The following AMZ1 variants were observed in gnomAD, a reference collection of about 807,000 sequenced individuals.
AMZ1 encodes the protein archaelysin family metallopeptidase 1, also known as archaemetzincin-1.
A neutral mutation model predicts 29.9 loss-of-function variants in AMZ1; 39 were observed. The ratio of observed to expected loss-of-function variants is 1.30; its 90% CI spans 1.01 to 1.70. The LOEUF is 1.70. AMZ1 is among the 40% of genes most tolerant of loss of function. The pLI is 0.00. For synonymous variants in AMZ1, 458 were observed against 304.0 expected (o/e 1.51, Z -5.27); for missense variants, 1,041 against 680.6 (o/e 1.53, Z -5.89).
At chr7:2,708,517 G>A (rs542512538) in intron 3 of AMZ1, 71 bp from the exon 4 acceptor site, 58 of 1,593,576 alleles carry the variant, frequency 3.6e-5, no homozygotes, top group Non-Finnish European at 4.7e-5. Context: ...ATGACGGGGT[G>A]CCAGCCTGAG....
chr7:2,747,859 T>C (rs1484510251), intron 4 of AMZ1, among the ~76,000 whole-genome samples: 1 of 152,156 alleles, frequency 6.6e-6, no homozygotes, highest in Non-Finnish European at 1.5e-5. Flanking sequence ...AGCATTCTTA[T>C]ACACCAATAA....
chr7:2,701,085 G>A (rs933102078), intron 2 of AMZ1, among the ~76,000 whole-genome samples: 4 of 152,210 alleles, frequency 2.6e-5, no homozygotes, highest in African/African-American at 9.6e-5. Flanking sequence ...TAAAGATCAC[G>A]CCGGGTGTGG....
chr7:2,749,030 T>C (rs1419971358), intron 4 of AMZ1, among the ~76,000 whole-genome samples: 2 of 152,132 alleles, frequency 1.3e-5, no homozygotes, highest in Non-Finnish European at 2.9e-5. Flanking sequence ...GGAGAGGATG[T>C]GGAGAAATAG....
At chr7:2,721,343 GC>G (rs1472592037), downstream of AMZ1, among the ~76,000 whole-genome samples, 4 of 152,198 alleles carry the variant, frequency 2.6e-5, no homozygotes, top group South Asian at 2.1e-4. Context: ...AAAGGTGCTT[GC>G]CCCACGGTGG....
chr7:2,719,537 G>C lies in AMZ1; in HGVS notation c.*6659G>C, dbSNP rs970028775. 1.3e-5 allele frequency among the ~76,000 whole-genome samples: 2 copies of C among 152,184 alleles called. No individual in the cohort carries two copies. The highest frequency in any genetic ancestry group is 1.9e-4 in the East Asian group (1 of 5,202). On this transcript the variant is annotated 3_prime_UTR_variant, in exon 7 of 7. Coordinates refer to ENST00000683327, the MANE Select transcript of AMZ1 (RefSeq NM_001384743.1). ...TGGCACAGTTATTTTTAAAAATCCAGTCCAAGTGGAAATACACCTGGAACA... is the reference window on the plus strand; with the variant it reads ...TGGCACAGTTATTTTTAAAAATCCACTCCAAGTGGAAATACACCTGGAACA...
chr7:2,694,923 T>A (rs1354925248), intron 1 of AMZ1, among the ~76,000 whole-genome samples: 1 of 152,210 alleles, frequency 6.6e-6, no homozygotes, highest in African/African-American at 2.4e-5. Context: ...TCCGCCTGCC[T>A]CGACCTCCCA....
downstream of AMZ1, among the ~76,000 whole-genome samples, chr7:2,723,514 G>A (rs1361327525): frequency 6.6e-6 from 1 of 152,238 alleles, no homozygotes; most frequent in African/African-American, 2.4e-5. Context: ...AAGATCTCCT[G>A]CATCACCCCG....
At chr7:2,729,742 CT>C (rs1254961024) in intron 4 of AMZ1, 1 of 152,380 alleles carries the variant, frequency 6.6e-6, no homozygotes, top group Non-Finnish European at 1.5e-5. Flanking sequence ...TAAGAGGACG[CT>C]TTTCATTTTC....
chr7:2,718,102 G>A lies in AMZ1; in HGVS notation c.*5224G>A, dbSNP rs1256233847. On this transcript the variant is annotated 3_prime_UTR_variant, in exon 7 of 7. Coordinates refer to ENST00000683327, the MANE Select transcript of AMZ1 (RefSeq NM_001384743.1). ...AGCTCTCGCAAGATTAACCAGAGAC[G>A]ACACCTACCAGATTCCACCACTGAG... 1.3e-5 allele frequency among the ~76,000 whole-genome samples: 2 copies of A among 152,134 alleles called. No homozygotes were observed. Among genetic ancestry groups the A allele is most frequent in the East Asian group, 1.9e-4 (1 of 5,190 alleles).
At chr7:2,762,926 C>T (rs75012075), upstream of AMZ1, 2,966 of 1,403,066 alleles carry the variant, frequency 2.1e-3, 38 homozygotes, top group African/African-American at 0.034. Context: ...CAGGCGGGGA[C>T]GCCCCAGACA....
Position 2,717,613 on chromosome 7 carries a change from C to CAAAG in AMZ1, c.*4737_*4740dup, listed in dbSNP as rs1219057449. ...TATGGCTCTTGGAACACGAGGCTGT[C>CAAAG]AAAGATAAACACCGCAGGGTAATCT... On this transcript the variant is annotated 3_prime_UTR_variant, in exon 7 of 7. Coordinates refer to ENST00000683327, the MANE Select transcript of AMZ1 (RefSeq NM_001384743.1). Among the ~76,000 whole-genome samples, 2 of 152,194 alleles carry CAAAG rather than the reference C, an allele frequency of 1.3e-5. No individual in the cohort carries two copies. Among genetic ancestry groups the CAAAG allele is most frequent in the East Asian group, 1.9e-4 (1 of 5,182 alleles).
Position 2,718,672 on chromosome 7 carries a change from AAC to A in AMZ1, c.*5797_*5798del, listed in dbSNP as rs970149876. 1.3e-5 allele frequency among the ~76,000 whole-genome samples: 2 copies of A among 152,204 alleles called. No homozygotes were observed. The highest frequency in any genetic ancestry group is 4.8e-5 in the African/African-American group (2 of 41,448). ...CAGTGGACTCTTCACCATTTCTTCC[AAC>A]ACTTTCTCACGTAGGAGCTCCACTG... On this transcript the variant is annotated 3_prime_UTR_variant, in exon 7 of 7. Coordinates refer to ENST00000683327, the MANE Select transcript of AMZ1 (RefSeq NM_001384743.1).
chr7:2,713,638 C>T lies in AMZ1; in HGVS notation c.*760C>T, dbSNP rs1416564182. ...TCTCTATCATCTCAGGCGTCAACCA[C>T]ATGCACACACACACTGTCACGTTCT... On this transcript the variant is annotated 3_prime_UTR_variant, in exon 7 of 7. Transcript: ENST00000683327. The T allele has an allele frequency of 6.6e-6, 1 of 152,452 alleles. No homozygotes were observed. Among genetic ancestry groups the T allele is most frequent in the African/African-American group, 2.4e-5 (1 of 41,464 alleles). The allele number at this position is 152,452 out of a possible 1,614,324, so 9.4% of individuals were successfully genotyped here.
intron 1 of AMZ1, among the ~76,000 whole-genome samples, chr7:2,692,014 C>A (rs926018130): frequency 6.6e-6 from 1 of 152,206 alleles, no homozygotes; most frequent in African/African-American, 2.4e-5. Context: ...ATGGTGCTTG[C>A]CCCTTGTGGG....
upstream of AMZ1, among the ~76,000 whole-genome samples, chr7:2,685,077 G>C (rs973414983): frequency 4.0e-5 from 6 of 151,434 alleles, no homozygotes; most frequent in Admixed American, 6.6e-5. Flanking sequence ...CACTGTGTTA[G>C]CCAGGATGGT....
Position 2,709,674 on chromosome 7 carries a change from TG to T in AMZ1, c.810del (p.Asn271ThrfsTer30). ...TCHELCHLLG[L>X]GNCRWLRCLM... is the part of the protein sequence containing the mutation. ...CACGAGCTCTGCCACCTTCTGGGCC[TG>T]GGGAACTGCCGCTGGCTCCGCTGCC... On this transcript the variant is annotated frameshift_variant, in exon 6 of 7. Coordinates refer to ENST00000683327, the MANE Select transcript of AMZ1 (RefSeq NM_001384743.1). LOFTEE classifies it high-confidence loss of function. 1 of 1,610,556 alleles carries T rather than the reference TG, an allele frequency of 6.2e-7. No individual in the cohort carries two copies.
chr7:2,710,984 C>A (rs1304460659), intron 6 of AMZ1, among the ~76,000 whole-genome samples: 1 of 152,214 alleles, frequency 6.6e-6, no homozygotes, highest in Non-Finnish European at 1.5e-5. Flanking sequence ...TCATTTGATG[C>A]CTTCACCTGG....
At chr7:2,704,815 C>G (rs1788256730) in intron 3 of AMZ1, among the ~76,000 whole-genome samples, 1 of 151,958 alleles carries the variant, frequency 6.6e-6, no homozygotes, top group African/African-American at 2.4e-5. Context: ...CCAGGATGAT[C>G]TCGATCTCCT....
upstream of AMZ1, among the ~76,000 whole-genome samples, chr7:2,686,722 CTT>C (rs927625214): frequency 1.2e-4 from 17 of 147,644 alleles, no homozygotes; most frequent in Admixed American, 2.7e-4. Context: ...CTCTCTCTCT[CTT>C]TTTTTTTTGA....
Sources: allele counts gnomAD v4.1 joint callset (sites outside exome capture counted in the v4.1 genomes callset), GRCh38; gene constraint gnomAD v4.1.1; transcripts MANE v1.5; gene names NCBI Gene and HGNC (gene_info 2026-07-23, HGNC 2026-07-21).